NTPCR: variants seen among roughly 807,000 people sequenced by gnomAD.
NTPCR encodes nucleoside-triphosphatase, cancer-related, also known as cancer-related nucleoside-triphosphatase.
A neutral mutation model predicts 19.5 loss-of-function variants in NTPCR; 15 were observed. The observed-to-expected ratio is 0.77, with a 90% CI of 0.51 to 1.18. The LOEUF is 1.18. Ranked by LOEUF, NTPCR falls within the 50% of genes most tolerant of loss-of-function variation. NTPCR has a pLI of 0.00. For missense variants in NTPCR, 206 were observed against 240.4 expected (o/e 0.86, Z 0.95); for synonymous variants, 90 against 95.8 (o/e 0.94, Z 0.36).
At chr1:232,964,447 G>C (rs536707418) in intron 3 of NTPCR, 26 of 152,170 alleles carry the variant, frequency 1.7e-4, no homozygotes, top group Non-Finnish European at 3.4e-4. Flanking sequence ...AGTGAGTGGG[G>C]AGATAGTGTG....
At position 232,981,717 on chromosome 1, in the gene NTPCR, T is replaced by C. The variant is rs1669287098; in HGVS notation, c.*3486T>C. On this transcript the variant is annotated 3_prime_UTR_variant, in exon 5 of 5. Transcript: ENST00000366628. ...TTTTGATCTGTGTCCAAATAACTCT[T>C]TTTTTTTTTTTTTTTTTTGAGACAG... is the stretch of plus-strand genomic sequence containing the variant. The C allele has an allele frequency of 1.2e-5, 1 of 81,540 alleles. No individual in the cohort carries two copies. The highest frequency in any genetic ancestry group is 5.7e-5 in the African/African-American group (1 of 17,678). The allele number at this position is 81,540 out of a possible 1,614,324, so 5.1% of individuals were successfully genotyped here.
intron 3 of NTPCR, chr1:232,965,461 T>A (rs1668787017): frequency 6.6e-6 from 1 of 152,250 alleles, no homozygotes; most frequent in African/African-American, 2.4e-5. Context: ...GAGGACTGAA[T>A]GTAATGCTTG....
intron 1 of NTPCR, among the ~76,000 whole-genome samples, chr1:232,952,802 A>G (rs974127458): frequency 1.3e-5 from 2 of 152,046 alleles, no homozygotes; most frequent in Non-Finnish European, 1.5e-5. Context: ...TCTCCTCTCA[A>G]AGAGGTCACT....
intron 4 of NTPCR, among the ~76,000 whole-genome samples, chr1:232,970,905 C>T (rs935167756): frequency 1.3e-5 from 2 of 152,140 alleles, no homozygotes; most frequent in Non-Finnish European, 2.9e-5. Context: ...GGGCCTTGCC[C>T]TGGTCCAAGG....
In NTPCR at chr1:232,979,779, A is replaced by C. The variant is rs796515688; in HGVS notation, c.*1548A>C. 2 of 152,280 alleles carry C rather than the reference A, an allele frequency of 1.3e-5. No individual in the cohort carries two copies. The highest frequency in any genetic ancestry group is 4.8e-5 in the African/African-American group (2 of 41,538). 9.4% of individuals were successfully genotyped at this position (152,280 alleles called of 1,614,324 possible). On this transcript the variant is annotated 3_prime_UTR_variant, in exon 5 of 5. Coordinates refer to ENST00000366628, the MANE Select transcript of NTPCR (RefSeq NM_032324.3). The surrounding 1 kb of genome is among the most constrained non-coding windows in gnomAD (Gnocchi z 5.3). ...TGGGCCAGGAGAGGCACGGCCTCTG[A>C]GTTGGGTAGAGGCTTCCCACAAAGG...
At position 232,954,972 on chromosome 1, in the gene NTPCR, AC is replaced by A. The variant is rs530582292; in HGVS notation, c.35-583del. On this transcript the variant is annotated intron_variant, in intron 1 of 4. Coordinates refer to ENST00000366628, the MANE Select transcript of NTPCR (RefSeq NM_032324.3). ...AAGATGATGTTGGAAGGAGTTGCTA[AC>A]CTGATAGGCTTGCTGTTATGAAAAA... 1.0e-3 allele frequency among the ~76,000 whole-genome samples: 157 copies of A among 152,284 alleles called. 1 individual carries two copies. The highest frequency in any genetic ancestry group is 3.6e-3 in the African/African-American group (149 of 41,548).
chr1:232,952,734 G>A (rs1357649109), intron 1 of NTPCR, among the ~76,000 whole-genome samples: 1 of 151,598 alleles, frequency 6.6e-6, no homozygotes, highest in East Asian at 1.9e-4. Context: ...ATTGTCAGGT[G>A]TTTTTATTTG....
In NTPCR at chr1:232,981,830, G is replaced by T. The variant is rs1669291479; in HGVS notation, c.*3599G>T. The T allele has an allele frequency of 6.7e-6, 1 of 149,244 alleles. No homozygotes were observed. Among genetic ancestry groups the T allele is most frequent in the Non-Finnish European group, 1.5e-5 (1 of 67,744 alleles). The allele number at this position is 149,244 out of a possible 1,614,324, so 9.2% of individuals were successfully genotyped here. A position where few individuals can be genotyped will look rare whatever the true frequency, so the allele number is the denominator to read the frequency against. On this transcript the variant is annotated 3_prime_UTR_variant, in exon 5 of 5. Transcript: ENST00000366628. ...CCTCCTGGGTTCAAGCGATTCTCCT[G>T]CCTCAACCTCCTGAGTAGCTGGGAT...
chr1:232,972,661 A>G (rs561684222), intron 4 of NTPCR, among the ~76,000 whole-genome samples: 2 of 149,016 alleles, frequency 1.3e-5, no homozygotes, highest in East Asian at 4.1e-4. Context: ...TGAAGAGCTG[A>G]AACAATCTGC....
chr1:232,960,917 C>T (rs758344019), intron 3 of NTPCR, among the ~76,000 whole-genome samples: 1 of 152,150 alleles, frequency 6.6e-6, no homozygotes, highest in Non-Finnish European at 1.5e-5. Context: ...ATGTGAATAA[C>T]TCATAATCTT....
intron 3 of NTPCR, chr1:232,967,553 C>G (rs1018838228): frequency 6.6e-6 from 1 of 152,180 alleles, no homozygotes; most frequent in African/African-American, 2.4e-5. Flanking sequence ...TGAGCTTTCA[C>G]TGGTGAATGT....
chr1:232,953,087 A>G (rs1042946145), intron 1 of NTPCR, among the ~76,000 whole-genome samples: 1 of 152,188 alleles, frequency 6.6e-6, no homozygotes, highest in Non-Finnish European at 1.5e-5. Flanking sequence ...AGGATTCCCC[A>G]GGGGGTTGAA....
intron 4 of NTPCR, among the ~76,000 whole-genome samples, chr1:232,972,367 G>A (rs1480332962): frequency 6.6e-6 from 1 of 152,102 alleles, no homozygotes; most frequent in African/African-American, 2.4e-5. Flanking sequence ...AGTAATCTGT[G>A]CTGGGATTAC....
Position 232,978,956 on chromosome 1 carries a change from A to G in NTPCR, c.*725A>G, listed in dbSNP as rs1669220395. On this transcript the variant is annotated 3_prime_UTR_variant, in exon 5 of 5. Transcript: ENST00000366628. ...AGCAATTTTGAATCTTTCTATGCCTAGTTTCCCTTCCAGAAAAGCAGGAAG... is the reference window on the plus strand; with the variant it reads ...AGCAATTTTGAATCTTTCTATGCCTGGTTTCCCTTCCAGAAAAGCAGGAAG... 6.6e-6 allele frequency: 1 copy of G among 152,166 alleles called. No homozygotes were observed. The highest frequency in any genetic ancestry group is 1.5e-5 in the Non-Finnish European group (1 of 68,032). 9.4% of individuals were successfully genotyped at this position (152,166 alleles called of 1,614,324 possible).
rs570141159 is a variant in NTPCR at position 232,955,703 on chromosome 1, C to T, written c.181C>T (p.Pro61Ser). 1.2e-5 allele frequency: 19 copies of T among 1,613,694 alleles called. No individual in the cohort carries two copies. In the South Asian group the frequency reaches 2.1e-4, roughly 18 times the overall value. The change falls in exon 2 of 5, where the codon CCT becomes TCT. Residue 61 changes from proline to serine, a missense_variant. By Grantham distance (74) the Pro-to-Ser change is moderately conservative. Coordinates refer to ENST00000366628, the MANE Select transcript of NTPCR (RefSeq NM_032324.3). ...CGTCACGTTGTCCGGCACCCGGGGG[C>T]CTTTATCGAGAGTTGGGTACTGATA... ...DVVTLSGTRG[P>S]LSRVGLEPPP...
At position 232,950,632 on chromosome 1, in the gene NTPCR, C is replaced by A; in HGVS notation, c.-79C>A. The A allele has an allele frequency of 8.2e-7, 1 of 1,216,476 alleles. No homozygotes were observed. The highest frequency in any genetic ancestry group is 1.2e-5 in the South Asian group (1 of 80,572). The allele number at this position is 1,216,476 out of a possible 1,614,324, so 75.4% of individuals were successfully genotyped here. A position where few individuals can be genotyped will look rare whatever the true frequency, so the allele number is the denominator to read the frequency against. ...CGGTGGGCGGGTCCTGAGTCGCGAC[C>A]CTGGTCCGGACCTGACCTGAATTGC... On this transcript the variant is annotated 5_prime_UTR_variant, in exon 1 of 5. Coordinates refer to ENST00000366628, the MANE Select transcript of NTPCR (RefSeq NM_032324.3).
At chr1:232,970,565 C>T (rs1668947398) in intron 4 of NTPCR, among the ~76,000 whole-genome samples, 1 of 152,172 alleles carries the variant, frequency 6.6e-6, no homozygotes, top group South Asian at 2.1e-4. Flanking sequence ...TGTTGGGAGA[C>T]ACAGCTTCCA....
rs1287277001 is a variant in NTPCR at position 232,980,805 on chromosome 1, C to G, written c.*2574C>G. On this transcript the variant is annotated 3_prime_UTR_variant, in exon 5 of 5. Coordinates refer to ENST00000366628, the MANE Select transcript of NTPCR (RefSeq NM_032324.3). Reference sequence around the variant, plus strand: ...CCAGGATGAGAGGAGCAGAGCTGAGCGCCACCTCCCTGTCGGTGCCACGGC... The same window carrying G: ...CCAGGATGAGAGGAGCAGAGCTGAGGGCCACCTCCCTGTCGGTGCCACGGC... 1 of 152,228 alleles carries G rather than the reference C, an allele frequency of 6.6e-6. No individual in the cohort carries two copies. The highest frequency in any genetic ancestry group is 2.4e-5 in the African/African-American group (1 of 41,416). 9.4% of individuals were successfully genotyped at this position (152,228 alleles called of 1,614,324 possible).
At chr1:232,969,704 G>C in intron 3 of NTPCR, 1 of 505,414 alleles carries the variant, frequency 2.0e-6, no homozygotes, top group Non-Finnish European at 3.6e-6. Flanking sequence ...GAGTCCTAAT[G>C]ATTCCCAGCT....
Sources: allele counts gnomAD v4.1 joint callset (sites outside exome capture counted in the v4.1 genomes callset), GRCh38; gene constraint gnomAD v4.1.1; non-coding constraint Gnocchi (gnomAD v3.1); transcripts MANE v1.5; gene names NCBI Gene and HGNC (gene_info 2026-07-23, HGNC 2026-07-21).